COL6A6: variants seen among roughly 807,000 people sequenced by gnomAD.
COL6A6 encodes the protein collagen alpha-6(VI) chain.
A neutral mutation model predicts 208.6 loss-of-function variants in COL6A6; 183 were observed. That is an observed-to-expected ratio of 0.88 (90% confidence interval 0.78 to 0.99). COL6A6 has a LOEUF of 0.99. Among genes scored for constraint, COL6A6 ranks in the 50% least tolerant of loss-of-function variants. COL6A6 has a pLI of 0.00. For missense variants in COL6A6, 2,816 were observed against 2,815.2 expected, an observed-to-expected ratio of 1.00 and a Z score of -0.01; for synonymous variants, 973 against 1,011.8, an observed-to-expected ratio of 0.96 and a Z score of 0.73.
At position 130,644,994 on chromosome 3, in the gene COL6A6, GC is replaced by G; in HGVS notation, c.5232del (p.Arg1745GlyfsTer32). On this transcript the variant is annotated frameshift_variant, in exon 32 of 37. Transcript: ENST00000358511. LOFTEE classifies it high-confidence loss of function. ...CTCCTTTGTTCTTCTTCCCCAGCTG[GC>G]AGGCATGGTGAGTAATCTTTATTTA... ...LIQYVRDRSP[G>X]RHGKPECPVH... The G allele has an allele frequency of 6.2e-7, 1 of 1,612,114 alleles. No homozygotes were observed. Among genetic ancestry groups the G allele is most frequent in the East Asian group, 2.2e-5 (1 of 44,872 alleles).
At position 130,668,112 on chromosome 3, in the gene COL6A6, T is replaced by C. The variant is rs574744684; in HGVS notation, c.6596+3016T>C. ...CAAGTCAATTTAAATATATGAGTAA[T>C]CACAAAAAAAACAGATTAAACATGC... On this transcript the variant is annotated intron_variant, in intron 36 of 36. Coordinates refer to ENST00000358511, the MANE Select transcript of COL6A6 (RefSeq NM_001102608.3). 8.2e-4 allele frequency among the ~76,000 whole-genome samples: 124 copies of C among 150,952 alleles called. 1 individual carries two copies. Among genetic ancestry groups the C allele is most frequent in the Middle Eastern group, 3.5e-3 (1 of 288 alleles).
chr3:130,650,092 A>G (rs2065588898), intron 33 of COL6A6, among the ~76,000 whole-genome samples: 1 of 152,204 alleles, frequency 6.6e-6, no homozygotes, highest in Non-Finnish European at 1.5e-5. Flanking sequence ...TTGAGGAGTA[A>G]AATCTCAAAT....
intron 1 of COL6A6, among the ~76,000 whole-genome samples, chr3:130,518,572 T>A (rs1336225967): frequency 6.6e-6 from 1 of 152,236 alleles, no homozygotes; most frequent in African/African-American, 2.4e-5. Context: ...CAATGCGCCA[T>A]CTCAGCTCAT....
At position 130,593,219 on chromosome 3, in the gene COL6A6, A is replaced by AAGAAAAGG. The variant is rs1293768924; in HGVS notation, c.4446_4453dup (p.Gly1485GlufsTer39). On this transcript the variant is annotated frameshift_variant, in exon 17 of 37. Transcript: ENST00000358511. LOFTEE classifies it high-confidence loss of function. ...TTTAGGGTGATAATGGTCTTCCTGGAAGAAAAGGAGAAAAGGGAGATGAGG... is the reference window on the plus strand; with the variant it reads ...TTTAGGGTGATAATGGTCTTCCTGGAAGAAAAGGAGAAAAGGAGAAAAGGGAGATGAGG... The AAGAAAAGG allele has an allele frequency of 6.2e-7, 1 of 1,613,176 alleles. No individual in the cohort carries two copies. The highest frequency in any genetic ancestry group is 2.2e-5 in the East Asian group (1 of 44,874).
At chr3:130,605,077 T>A (rs938513164) in intron 20 of COL6A6, among the ~76,000 whole-genome samples, 4 of 152,216 alleles carry the variant, frequency 2.6e-5, no homozygotes, top group Non-Finnish European at 5.9e-5. Flanking sequence ...CTACCAAATA[T>A]GCTTCCTGTT....
intron 32 of COL6A6, among the ~76,000 whole-genome samples, chr3:130,645,402 G>A (rs898839063): frequency 6.6e-5 from 10 of 151,680 alleles, no homozygotes; most frequent in Non-Finnish European, 1.0e-4. Context: ...TTCAACCTCC[G>A]GAGTAGTTGG....
intron 1 of COL6A6, among the ~76,000 whole-genome samples, chr3:130,526,744 CTT>C (rs2061969601): frequency 1.3e-5 from 2 of 152,006 alleles, no homozygotes; most frequent in Admixed American, 1.3e-4. Context: ...ACAGTTGTAA[CTT>C]TACACTTATT....
rs2066367226 is a variant in COL6A6, at chr3:130,676,707, C to T, written c.*1310C>T. 6.6e-6 allele frequency: 1 copy of T among 152,196 alleles called. No homozygotes were observed. The highest frequency in any genetic ancestry group is 1.5e-5 in the Non-Finnish European group (1 of 68,024). 9.4% of individuals were successfully genotyped at this position (152,196 alleles called of 1,614,324 possible). ...CAGTATTTTTTTAAAACGACTTCTG[C>T]TATTCTTACTTAGAGAAATCCAGTG... On this transcript the variant is annotated 3_prime_UTR_variant, in exon 37 of 37. Transcript: ENST00000358511.
At chr3:130,644,937 A>T in intron 31 of COL6A6, 54 bp from the exon 32 acceptor site, 1 of 1,554,440 alleles carries the variant, frequency 6.4e-7, no homozygotes, top group Admixed American at 1.7e-5. Context: ...CACGATACAG[A>T]ACTCTCTTCT....
rs374011900 is a variant in COL6A6, at chr3:130,523,194, A to G, written c.-32+5797A>G. On this transcript the variant is annotated intron_variant, in intron 1 of 36. Transcript: ENST00000358511. ...TTTGGAATCTCTTCTACCTAAAACC[A>G]TATTCTCCAGACTCTCAACCTGGCT... Among the ~76,000 whole-genome samples the G allele has an allele frequency of 2.3e-3, 343 of 152,152 alleles. 1 individual carries two copies. Among genetic ancestry groups the G allele is most frequent in the African/African-American group, 7.2e-3 (300 of 41,500 alleles).
chr3:130,565,203 G>A lies in COL6A6; in HGVS notation c.871G>A (p.Glu291Lys), dbSNP rs766311942. 2.7e-5 allele frequency: 43 copies of A among 1,613,900 alleles called. No homozygotes were observed. The highest frequency in any genetic ancestry group is 5.9e-6 in the Non-Finnish European group (7 of 1,179,892). ...NSLSMGINKS[E>K]VLQHIQNLSP... ...ACTGAGCATGGGCATAAATAAGTCA[G>A]AGGTTCTCCAGCATATACAGAACCT... The change falls in exon 4 of 37, where the codon GAG becomes AAG. Residue 291 changes from glutamate to lysine, a missense_variant. By Grantham distance (56) the Glu-to-Lys change is moderately conservative. Coordinates refer to ENST00000358511, the MANE Select transcript of COL6A6 (RefSeq NM_001102608.3).
intron 33 of COL6A6, among the ~76,000 whole-genome samples, chr3:130,651,725 AG>A (rs1559789904): frequency 6.6e-6 from 1 of 152,238 alleles, no homozygotes; most frequent in Non-Finnish European, 1.5e-5. Context: ...TTGGTTACAT[AG>A]TCCTTGTAAT....
intron 1 of COL6A6, among the ~76,000 whole-genome samples, chr3:130,558,475 T>G (rs1273081173): frequency 7.9e-5 from 12 of 152,360 alleles, no homozygotes. Flanking sequence ...TCCAGAGAAC[T>G]TAACTTTTGA....
At chr3:130,609,138 C>T (rs1299807980) in intron 22 of COL6A6, among the ~76,000 whole-genome samples, 174 bp downstream of exon 22, 15 of 152,138 alleles carry the variant, frequency 9.9e-5, no homozygotes, top group Non-Finnish European at 2.1e-4. Flanking sequence ...ACTTGGTCTG[C>T]TTTAAGTTTT....
chr3:130,623,417 C>G (rs916576606), intron 24 of COL6A6, among the ~76,000 whole-genome samples: 3 of 152,138 alleles, frequency 2.0e-5, no homozygotes, highest in Non-Finnish European at 4.4e-5. Context: ...CAAGATCCTG[C>G]CACTGCACTC....
chr3:130,661,554 G>C (rs2065931556), intron 34 of COL6A6, 83 bp from the exon 35 acceptor site: 10 of 1,113,618 alleles, frequency 9.0e-6, no homozygotes. Context: ...AGACTATGCA[G>C]TTTCCAAATG....
Position 130,612,418 on chromosome 3 carries a change from T to C in COL6A6, c.4815+1707T>C, listed in dbSNP as rs188411018. On this transcript the variant is annotated intron_variant, in intron 23 of 36. Transcript: ENST00000358511. ...CCAGGAGTGTGCAAATGTTCTCTTT[T>C]CTCTACAACCTCACTAGCATCTGTT... 1.8e-3 allele frequency among the ~76,000 whole-genome samples: 272 copies of C among 152,344 alleles called. 1 individual carries two copies. The highest frequency in any genetic ancestry group is 6.4e-3 in the African/African-American group (265 of 41,578).
At chr3:130,538,475 A>G (rs1218405578) in intron 1 of COL6A6, among the ~76,000 whole-genome samples, 2 of 152,186 alleles carry the variant, frequency 1.3e-5, no homozygotes, top group Admixed American at 6.5e-5. Flanking sequence ...AACAGCTAAC[A>G]TTTACTTAGT....
At position 130,565,816 on chromosome 3, in the gene COL6A6, C is replaced by T. The variant is rs147767586; in HGVS notation, c.1282+202C>T. 3.9e-3 allele frequency among the ~76,000 whole-genome samples: 598 copies of T among 152,218 alleles called. 5 individuals carry two copies. Among genetic ancestry groups the T allele is most frequent in the African/African-American group, 0.013 (556 of 41,536 alleles). ...GTGTTGGCATGGGGAGAAGAGATTT[C>T]CCCTTTTAGTTCCTCTTTTGTGCAG... On this transcript the variant is annotated intron_variant, in intron 4 of 36. Coordinates refer to ENST00000358511, the MANE Select transcript of COL6A6 (RefSeq NM_001102608.3).
Sources: gnomAD v4.1 joint callset for allele counts (sites outside exome capture counted in the v4.1 genomes callset) on GRCh38, gnomAD v4.1.1 for gene constraint, MANE v1.5 for transcripts, NCBI Gene and HGNC (gene_info 2026-07-23, HGNC 2026-07-21) for gene names.